The following PARD3 variants were observed in gnomAD, a reference collection of about 807,000 sequenced individuals.
PARD3 encodes the protein partitioning defective 3 homolog.
In PARD3, 75 loss-of-function variants were observed where a neutral mutation model predicts 155.4. That is an observed-to-expected ratio of 0.48 (90% CI 0.40 to 0.58). The LOEUF is 0.58. Ranked by LOEUF, PARD3 falls within the 20% of genes least tolerant of loss-of-function variation. The pLI is 0.00. For missense variants in PARD3, 1,642 were observed against 1,721.7 expected (o/e 0.95, Z 0.82); for synonymous variants, 576 against 610.5 (o/e 0.94, Z 0.83).
intron 22 of PARD3, among the ~76,000 whole-genome samples, chr10:34,235,037 C>T (rs1953143826): frequency 2.0e-5 from 3 of 152,004 alleles, no homozygotes; most frequent in Admixed American, 2.0e-4. Context: ...ATCTATTTGC[C>T]AAAGCAATTT....
chr10:34,532,496 G>A (rs570129573), intron 2 of PARD3, among the ~76,000 whole-genome samples: 134 of 152,078 alleles, frequency 8.8e-4, no homozygotes, highest in Non-Finnish European at 9.7e-4. Flanking sequence ...CCATGTGCCC[G>A]CTATGTGCCA....
At chr10:34,799,751 G>C (rs1039207101) in intron 1 of PARD3, among the ~76,000 whole-genome samples, 23 of 152,008 alleles carry the variant, frequency 1.5e-4, no homozygotes, top group Admixed American at 9.8e-4. Context: ...AGCACTTTGG[G>C]GAGCCAAAGT....
At chr10:34,565,778 A>C (rs2085893950) in intron 2 of PARD3, among the ~76,000 whole-genome samples, 1 of 152,136 alleles carries the variant, frequency 6.6e-6, no homozygotes, top group Non-Finnish European at 1.5e-5. Flanking sequence ...TGACAACACT[A>C]ATCAGATCAC....
chr10:34,672,575 T>C (rs997644696), intron 2 of PARD3, among the ~76,000 whole-genome samples: 3 of 152,186 alleles, frequency 2.0e-5, no homozygotes, highest in Non-Finnish European at 4.4e-5. Flanking sequence ...CCCAGCACTT[T>C]GAGAGGCCAA....
intron 12 of PARD3, among the ~76,000 whole-genome samples, chr10:34,360,593 C>G (rs1343723966): frequency 6.6e-6 from 1 of 151,922 alleles, no homozygotes; most frequent in African/African-American, 2.4e-5. Flanking sequence ...TTCTAAACGA[C>G]AAGAAAAACA....
At chr10:34,248,604 C>T (rs1428183113) in intron 22 of PARD3, among the ~76,000 whole-genome samples, 2 of 152,118 alleles carry the variant, frequency 1.3e-5, no homozygotes, top group Admixed American at 6.5e-5. Flanking sequence ...GTGGCAGAGC[C>T]AGGATCTGAA....
intron 2 of PARD3, among the ~76,000 whole-genome samples, chr10:34,547,076 C>A (rs996822106): frequency 6.6e-6 from 1 of 152,168 alleles, no homozygotes; most frequent in Admixed American, 6.5e-5. Context: ...TAGACCACAA[C>A]GGCTGATGAA....
At position 34,639,183 on chromosome 10, in the gene PARD3, G is replaced by T. The variant is rs138014384; in HGVS notation, c.222+57135C>A. Among the ~76,000 whole-genome samples, 131 of 152,162 alleles carry T rather than the reference G, an allele frequency of 8.6e-4. No individual in the cohort carries two copies. The East Asian group carries it at 0.017, about 19-fold the overall frequency. ...GGCCTAGGCAGATGGATCACCTGAGGTCAGGAGTTCAAGACCAGCCTGACC... is the reference window on the plus strand; with the variant it reads ...GGCCTAGGCAGATGGATCACCTGAGTTCAGGAGTTCAAGACCAGCCTGACC... On this transcript the variant is annotated intron_variant, in intron 2 of 24. Coordinates refer to ENST00000374788, the MANE Select transcript of PARD3 (RefSeq NM_001184785.2).
At chr10:34,814,185 T>G (rs1215399614) in intron 1 of PARD3, among the ~76,000 whole-genome samples, 10 of 152,010 alleles carry the variant, frequency 6.6e-5, no homozygotes, top group Non-Finnish European at 1.0e-4. Flanking sequence ...TGGGATCAGC[T>G]CAGTAAATGC....
At chr10:34,358,914 T>G (rs1839168615) in intron 14 of PARD3, among the ~76,000 whole-genome samples, 1 of 152,212 alleles carries the variant, frequency 6.6e-6, no homozygotes, top group African/African-American at 2.4e-5. Flanking sequence ...GATCCCAGTG[T>G]TTCCTGCTGA....
chr10:34,236,154 T>C (rs1297102005), intron 22 of PARD3, among the ~76,000 whole-genome samples: 1 of 152,182 alleles, frequency 6.6e-6, no homozygotes, highest in East Asian at 1.9e-4. Flanking sequence ...CTACAGCTTA[T>C]GATCTAAGGA....
chr10:34,178,813 A>C (rs1036731), intron 22 of PARD3, among the ~76,000 whole-genome samples: 29,337 of 152,238 alleles, frequency 0.19, 3,765 homozygotes, highest in Non-Finnish European at 0.26. Context: ...CACCTAATAG[A>C]ATGCTTTCAT....
chr10:34,120,723 T>C (rs1039812801), intron 23 of PARD3, among the ~76,000 whole-genome samples: 1 of 152,154 alleles, frequency 6.6e-6, no homozygotes, highest in Non-Finnish European at 1.5e-5. Flanking sequence ...GCTACTTAAA[T>C]TGGTTATTAG....
chr10:34,780,877 G>A (rs1324111472), intron 1 of PARD3, among the ~76,000 whole-genome samples: 1 of 152,120 alleles, frequency 6.6e-6, no homozygotes, highest in African/African-American at 2.4e-5. Flanking sequence ...CATTCACCAC[G>A]CCACACATAA....
chr10:34,396,342 A>C (rs113862238), intron 7 of PARD3, among the ~76,000 whole-genome samples: 2,589 of 152,246 alleles, frequency 0.017, 72 homozygotes, highest in African/African-American at 0.059. Context: ...CATCTCAAAA[A>C]AAACCAAAAA....
At chr10:34,447,804 C>CAAAAAAAA (rs59698806) in intron 5 of PARD3, among the ~76,000 whole-genome samples, 12 of 143,528 alleles carry the variant, frequency 8.4e-5, no homozygotes, top group Non-Finnish European at 1.0e-4. Context: ...GACTCTGTCT[C>CAAAAAAAA]AAAAGAAAGA....
At chr10:34,747,085 TTGCTTC>T (rs1168778456) in intron 1 of PARD3, among the ~76,000 whole-genome samples, 1 of 152,226 alleles carries the variant, frequency 6.6e-6, no homozygotes, top group African/African-American at 2.4e-5. Context: ...TTAAAGATAT[TTGCTTC>T]TGCTTCTGCT....
At chr10:34,679,646 C>T (rs2093775411) in intron 2 of PARD3, among the ~76,000 whole-genome samples, 1 of 152,300 alleles carries the variant, frequency 6.6e-6, no homozygotes, top group East Asian at 1.9e-4. Flanking sequence ...GGAACGCCAC[C>T]TCCCATGTCA....
chr10:34,680,057 T>C (rs2093782636), intron 2 of PARD3, among the ~76,000 whole-genome samples: 1 of 152,126 alleles, frequency 6.6e-6, no homozygotes, highest in Non-Finnish European at 1.5e-5. Flanking sequence ...TGTAAGAACC[T>C]GCACTTGTAC....
Sources: gnomAD v4.1 joint callset for allele counts (sites outside exome capture counted in the v4.1 genomes callset) on GRCh38, gnomAD v4.1.1 for gene constraint, MANE v1.5 for transcripts, NCBI Gene and HGNC (gene_info 2026-07-23, HGNC 2026-07-21) for gene names.